Variants in GMDS observed in about 807,000 individuals in gnomAD.
The protein encoded by GMDS is GDP-mannose 4,6 dehydratase.
Under a neutral mutation model 49.9 loss-of-function variants are expected in GMDS, and 20 were observed. The ratio of observed to expected loss-of-function variants is 0.40; its 90% CI spans 0.28 to 0.58. The LOEUF (loss-of-function observed/expected upper bound fraction) is 0.58, where lower values mean the gene tolerates loss of function less well. Among genes scored for constraint, GMDS ranks in the 20% least tolerant of loss-of-function variants. The pLI is 0.42. For missense variants in GMDS, 362 were observed against 481.4 expected (o/e 0.75, Z 2.32); for synonymous variants, 177 against 178.6 (o/e 0.99, Z 0.07).
intron 4 of GMDS, among the ~76,000 whole-genome samples, chr6:2,086,520 G>A (rs1413768758): frequency 6.6e-6 from 1 of 152,322 alleles, no homozygotes; most frequent in African/African-American, 2.4e-5. Flanking sequence ...TGAGTAACCA[G>A]CATGCTGCTG....
intron 7 of GMDS, among the ~76,000 whole-genome samples, chr6:1,790,487 C>T (rs996498142): frequency 1.3e-5 from 2 of 152,164 alleles, no homozygotes; most frequent in Admixed American, 6.5e-5. Flanking sequence ...ACTCTAGCAC[C>T]TAAACTCGTA....
intron 8 of GMDS, among the ~76,000 whole-genome samples, chr6:1,727,321 T>C (rs944023225): frequency 3.9e-5 from 6 of 152,246 alleles, no homozygotes; most frequent in Admixed American, 1.3e-4. Flanking sequence ...ATTCTACTTA[T>C]CCATTTTATG....
At chr6:1,899,494 T>G (rs1468866011) in intron 7 of GMDS, among the ~76,000 whole-genome samples, 1 of 152,188 alleles carries the variant, frequency 6.6e-6, no homozygotes, top group Non-Finnish European at 1.5e-5. Context: ...AGGAGTAGAC[T>G]CCGTTCAAGA....
chr6:1,806,834 A>G (rs1376608164), intron 7 of GMDS, among the ~76,000 whole-genome samples: 1 of 152,176 alleles, frequency 6.6e-6, no homozygotes, highest in Non-Finnish European at 1.5e-5. Context: ...CTCTGAGTTG[A>G]CAGCCACTGC....
chr6:1,741,255 A>G (rs985547355), intron 8 of GMDS, among the ~76,000 whole-genome samples: 2 of 152,142 alleles, frequency 1.3e-5, no homozygotes, highest in African/African-American at 4.8e-5. Context: ...TAGACACCCT[A>G]TTGTACAACA....
intron 9 of GMDS, among the ~76,000 whole-genome samples, chr6:1,656,709 A>G (rs899701051): frequency 3.3e-5 from 5 of 151,878 alleles, no homozygotes; most frequent in Non-Finnish European, 7.4e-5. Context: ...GGTTGCAGTG[A>G]GCCGAGATCG....
intron 4 of GMDS, among the ~76,000 whole-genome samples, chr6:1,974,333 A>C (rs1764777177): frequency 6.6e-6 from 1 of 152,178 alleles, no homozygotes; most frequent in African/African-American, 2.4e-5. Flanking sequence ...AAATGGGAAA[A>C]GGTGCCTTTA....
At chr6:1,650,940 T>C (rs906232925) in intron 9 of GMDS, among the ~76,000 whole-genome samples, 1 of 152,196 alleles carries the variant, frequency 6.6e-6, no homozygotes, top group Non-Finnish European at 1.5e-5. Context: ...AAAACAGTCT[T>C]GTTAGATTGA....
chr6:1,922,037 T>C (rs1472336217), intron 7 of GMDS, among the ~76,000 whole-genome samples: 2 of 152,192 alleles, frequency 1.3e-5, no homozygotes, highest in Non-Finnish European at 2.9e-5. Flanking sequence ...TAAGTAATAA[T>C]ATGGAATTAG....
chr6:2,011,801 T>G (rs192616651), intron 4 of GMDS, among the ~76,000 whole-genome samples: 1 of 152,314 alleles, frequency 6.6e-6, no homozygotes, highest in East Asian at 1.9e-4. Context: ...GCATTACCTA[T>G]AGTCCTGGCT....
intron 9 of GMDS, among the ~76,000 whole-genome samples, chr6:1,694,356 T>G (rs1172842847): frequency 6.6e-6 from 1 of 152,198 alleles, no homozygotes; most frequent in Non-Finnish European, 1.5e-5. Flanking sequence ...TGATACAGTA[T>G]CATGTACTGG....
At chr6:2,207,539 A>G (rs1350242651) in intron 1 of GMDS, among the ~76,000 whole-genome samples, 4 of 152,048 alleles carry the variant, frequency 2.6e-5, no homozygotes, top group Non-Finnish European at 4.4e-5. Flanking sequence ...TACTGAGCTT[A>G]TAACATTAGA....
At chr6:2,081,400 G>C (rs1772684751) in intron 4 of GMDS, among the ~76,000 whole-genome samples, 2 of 152,020 alleles carry the variant, frequency 1.3e-5, no homozygotes, top group South Asian at 4.2e-4. Flanking sequence ...CCTTATGAAG[G>C]ACCACACAAA....
At chr6:2,122,451 G>C (rs955953430) in intron 2 of GMDS, among the ~76,000 whole-genome samples, 1 of 151,978 alleles carries the variant, frequency 6.6e-6, no homozygotes, top group Non-Finnish European at 1.5e-5. Context: ...AATAAAATAC[G>C]TCCCTCTCTC....
chr6:1,949,144 T>A, intron 6 of GMDS: 1 of 352,756 alleles, frequency 2.8e-6, no homozygotes. Context: ...AAAGGAAATA[T>A]GAAATAAATC....
chr6:1,930,125 C>A lies in GMDS; in HGVS notation c.749G>T (p.Gly250Val). The A allele has an allele frequency of 6.2e-7, 1 of 1,612,540 alleles. No individual in the cohort carries two copies. The highest frequency in any genetic ancestry group is 1.1e-5 in the South Asian group (1 of 90,710). Residue 250 changes from glycine (G) to valine (V), a missense_variant, in exon 7 of 11, where the codon GGC becomes GTC. Coordinates refer to ENST00000380815, the MANE Select transcript of GMDS (RefSeq NM_001500.4). ...TACCTCCACATAGTCCTTGGCATGG[C>A]CCCAATCTCGTTTGGCATCCAGATT... is the stretch of plus-strand genomic sequence containing the variant. ...LGNLDAKRDW[G>V]HAKDYVEAMW...
chr6:1,776,480 G>A (rs1178336320), intron 7 of GMDS, among the ~76,000 whole-genome samples: 1 of 151,504 alleles, frequency 6.6e-6, no homozygotes, highest in East Asian at 1.9e-4. Context: ...TTGAGGCCAG[G>A]AGTTTGATAC....
At chr6:2,093,977 A>G (rs1313954015) in intron 4 of GMDS, among the ~76,000 whole-genome samples, 2 of 152,228 alleles carry the variant, frequency 1.3e-5, no homozygotes, top group Non-Finnish European at 2.9e-5. Flanking sequence ...TTTCCCAACA[A>G]TCTTGAAGCC....
intron 6 of GMDS, among the ~76,000 whole-genome samples, chr6:1,938,864 A>C (rs1762671677): frequency 6.6e-6 from 1 of 151,068 alleles, no homozygotes; most frequent in Admixed American, 6.6e-5. Context: ...GTCTGGGTTA[A>C]TTTCCGTATA....
Sources: gnomAD v4.1 joint callset for allele counts (sites outside exome capture counted in the v4.1 genomes callset) on GRCh38, gnomAD v4.1.1 for gene constraint, MANE v1.5 for transcripts, NCBI Gene and HGNC (gene_info 2026-07-23, HGNC 2026-07-21) for gene names.